Variants in NFIL3 observed in about 807,000 individuals in gnomAD.
NFIL3 encodes nuclear factor, interleukin 3 regulated, also known as nuclear factor interleukin-3-regulated protein.
Under a neutral mutation model 10.0 loss-of-function variants are expected in NFIL3, and 5 were observed. The ratio of observed to expected loss-of-function variants is 0.50; its 90% CI spans 0.26 to 1.06. NFIL3 has a LOEUF of 1.06. Ranked by LOEUF, NFIL3 falls within the 50% of genes least tolerant of loss-of-function variation. The probability of loss-of-function intolerance (pLI) is 0.13; values close to 1 mark genes in which losing one functional copy is unlikely to be tolerated. For synonymous variants in NFIL3, 202 were observed against 206.5 expected, an observed-to-expected ratio of 0.98 and a Z score of 0.19; for missense variants, 436 against 547.6, an observed-to-expected ratio of 0.80 and a Z score of 2.03.
At chr9:91,424,365 C>G (rs1833840384), upstream of NFIL3, among the ~76,000 whole-genome samples, 1 of 152,210 alleles carries the variant, frequency 6.6e-6, no homozygotes, top group South Asian at 2.1e-4. Flanking sequence ...TGGCCCGGAC[C>G]TCGGCCTCCC....
At chr9:91,430,635 G>A in the NFIL3 span, among the ~76,000 whole-genome samples, 3 of 151,684 alleles carry the variant, frequency 2.0e-5, no homozygotes, top group African/African-American at 7.3e-5. Flanking sequence ...TTTAATCAAA[G>A]TTTTTCTTTT....
At chr9:91,468,530 T>C in the NFIL3 span, among the ~76,000 whole-genome samples, 3 of 152,198 alleles carry the variant, frequency 2.0e-5, no homozygotes, top group East Asian at 5.8e-4. Context: ...GTGTAGAAGC[T>C]CTTTACTTTA....
the NFIL3 span, among the ~76,000 whole-genome samples, chr9:91,465,336 G>C: frequency 6.6e-6 from 1 of 152,078 alleles, no homozygotes. Context: ...ACTGACCTGT[G>C]TTAAACCTCA....
the NFIL3 span, among the ~76,000 whole-genome samples, chr9:91,467,049 A>T: frequency 1.3e-5 from 2 of 152,220 alleles, no homozygotes; most frequent in Admixed American, 1.3e-4. Flanking sequence ...GCTACCTTCA[A>T]CAACAACTGT....
the NFIL3 span, among the ~76,000 whole-genome samples, chr9:91,452,762 G>T: frequency 6.8e-6 from 1 of 147,678 alleles, no homozygotes; most frequent in Non-Finnish European, 1.5e-5. Context: ...ACTCCAGCCT[G>T]GGCAACAAGA....
the NFIL3 span, among the ~76,000 whole-genome samples, chr9:91,467,957 T>TG: frequency 6.6e-6 from 1 of 152,206 alleles, no homozygotes; most frequent in African/African-American, 2.4e-5. Context: ...TTGGGTTGGT[T>TG]CCAAGTCTTT....
At chr9:91,438,799 G>A in the NFIL3 span, among the ~76,000 whole-genome samples, 3 of 152,118 alleles carry the variant, frequency 2.0e-5, no homozygotes, top group African/African-American at 4.8e-5. Flanking sequence ...TGGTGCCTTG[G>A]TCAAAACTTA....
At chr9:91,422,888 T>C (rs925894407) in intron 1 of NFIL3, among the ~76,000 whole-genome samples, 2 of 152,188 alleles carry the variant, frequency 1.3e-5, no homozygotes, top group African/African-American at 2.4e-5. Flanking sequence ...TAGACGTAAA[T>C]AACGATCTAA....
chr9:91,424,734 G>A (rs1156640746), upstream of NFIL3, among the ~76,000 whole-genome samples: 2 of 152,260 alleles, frequency 1.3e-5, no homozygotes, highest in African/African-American at 4.8e-5. Context: ...TTCCTCGGAG[G>A]ATGTGAAGGT....
At chr9:91,414,994 T>C (rs1262957472) in intron 1 of NFIL3, among the ~76,000 whole-genome samples, 1 of 152,262 alleles carries the variant, frequency 6.6e-6, no homozygotes, top group Non-Finnish European at 1.5e-5. Context: ...TTTAATGTTA[T>C]GTGAATTGTA....
chr9:91,475,411 A>C, the NFIL3 span, among the ~76,000 whole-genome samples: 1 of 152,190 alleles, frequency 6.6e-6, no homozygotes, highest in Non-Finnish European at 1.5e-5. Flanking sequence ...AATTCCTCTA[A>C]ATACATCTTG....
chr9:91,422,815 G>C (rs2118042190), intron 1 of NFIL3, among the ~76,000 whole-genome samples: 1 of 152,302 alleles, frequency 6.6e-6, no homozygotes, highest in East Asian at 1.9e-4. Context: ...AATTCAATGC[G>C]AGCAATTCTT....
chr9:91,433,089 G>A, the NFIL3 span, among the ~76,000 whole-genome samples: 146,310 of 152,312 alleles, frequency 0.96, 70,319 homozygotes, highest in East Asian at 1. Context: ...AGAATTATCA[G>A]TATTACAAGG....
the NFIL3 span, among the ~76,000 whole-genome samples, chr9:91,470,459 T>TA: frequency 0.09 from 13,218 of 146,744 alleles, 708 homozygotes; most frequent in African/African-American, 0.14. Flanking sequence ...GTTGATCTTT[T>TA]AAAAAAAACC....
intron 1 of NFIL3, among the ~76,000 whole-genome samples, chr9:91,418,615 T>C (rs957370274): frequency 1.3e-5 from 2 of 152,228 alleles, no homozygotes; most frequent in African/African-American, 4.8e-5. Context: ...AATGCTTATT[T>C]GTAGTGTTTA....
At chr9:91,460,748 G>A in the NFIL3 span, among the ~76,000 whole-genome samples, 9 of 152,168 alleles carry the variant, frequency 5.9e-5, no homozygotes, top group African/African-American at 2.2e-4. Context: ...GCATACACCT[G>A]AGTCTTTAGT....
the NFIL3 span, among the ~76,000 whole-genome samples, chr9:91,451,338 C>T: frequency 1.6e-4 from 24 of 152,316 alleles, no homozygotes; most frequent in African/African-American, 5.5e-4. Context: ...CTCTGAGAAA[C>T]ATACTCTGAC....
chr9:91,457,446 A>T, the NFIL3 span, among the ~76,000 whole-genome samples: 1 of 152,006 alleles, frequency 6.6e-6, no homozygotes, highest in Non-Finnish European at 1.5e-5. Context: ...TTCAGTGTAG[A>T]GGTCACATCT....
chr9:91,426,996 G>A (rs1833879414), upstream of NFIL3: 1 of 151,894 alleles, frequency 6.6e-6, no homozygotes, highest in Non-Finnish European at 1.5e-5. Flanking sequence ...ACCCACTGAA[G>A]AAGACTGTTT....
Sources: allele counts gnomAD v4.1 joint callset (sites outside exome capture counted in the v4.1 genomes callset), GRCh38; gene constraint gnomAD v4.1.1; transcripts MANE v1.5; gene names NCBI Gene and HGNC (gene_info 2026-07-23, HGNC 2026-07-21).